The following RGS7 variants were observed in gnomAD, a reference collection of about 807,000 sequenced individuals.
The protein encoded by RGS7 is regulator of G-protein signaling 7.
A neutral mutation model predicts 81.1 loss-of-function variants in RGS7; 27 were observed. That is an observed-to-expected ratio of 0.33 (90% confidence interval 0.25 to 0.46). RGS7 has a LOEUF of 0.46. RGS7 is among the 20% of genes least tolerant of loss of function. The pLI is 1.00. For missense variants in RGS7, 396 were observed against 607.4 expected, an observed-to-expected ratio of 0.65 and a Z score of 3.66; for synonymous variants, 208 against 207.7, an observed-to-expected ratio of 1.00 and a Z score of -0.01.
At chr1:241,259,038 C>T (rs573170514) in intron 2 of RGS7, among the ~76,000 whole-genome samples, 3 of 152,090 alleles carry the variant, frequency 2.0e-5, no homozygotes, top group Non-Finnish European at 4.4e-5. Context: ...CAGTTCCTGC[C>T]CCTCCCTTTC....
At chr1:240,897,245 C>T (rs1464759750) in intron 6 of RGS7, among the ~76,000 whole-genome samples, 1 of 152,176 alleles carries the variant, frequency 6.6e-6, no homozygotes, top group African/African-American at 2.4e-5. Context: ...AATTTGACTT[C>T]CTCTTTTCCT....
chr1:240,788,569 A>C (rs1685448093), intron 18 of RGS7, among the ~76,000 whole-genome samples: 1 of 152,236 alleles, frequency 6.6e-6, no homozygotes, highest in Non-Finnish European at 1.5e-5. Flanking sequence ...TTTCTGAAAG[A>C]TGGAGTCCAG....
intron 3 of RGS7, among the ~76,000 whole-genome samples, chr1:241,031,774 C>A (rs188736319): frequency 1.1e-4 from 16 of 152,152 alleles, no homozygotes; most frequent in Non-Finnish European, 1.9e-4. Flanking sequence ...TTTATGTCTT[C>A]TTTTGAAAAA....
chr1:240,971,174 T>G (rs1490810694), intron 4 of RGS7, among the ~76,000 whole-genome samples: 1 of 152,076 alleles, frequency 6.6e-6, no homozygotes, highest in African/African-American at 2.4e-5. Flanking sequence ...TCTCCCCTTC[T>G]ACCATGTGAG....
intron 6 of RGS7, among the ~76,000 whole-genome samples, chr1:240,875,625 C>T (rs563326966): frequency 1.3e-5 from 2 of 152,150 alleles, no homozygotes; most frequent in Non-Finnish European, 2.9e-5. Flanking sequence ...TCCATAATGG[C>T]CGTACTAATT....
chr1:241,276,997 G>A (rs1210252252), intron 2 of RGS7, among the ~76,000 whole-genome samples: 1 of 152,210 alleles, frequency 6.6e-6, no homozygotes, highest in Non-Finnish European at 1.5e-5. Flanking sequence ...TCCATCGTCA[G>A]CTTTTAAAAT....
chr1:240,823,202 T>G (rs1692125038), intron 10 of RGS7: 2 of 890,740 alleles, frequency 2.2e-6, no homozygotes, highest in East Asian at 4.9e-5. Context: ...AGCGTGTCCA[T>G]GGACTTCTTC....
chr1:240,977,705 C>A (rs1350064521), intron 4 of RGS7, among the ~76,000 whole-genome samples: 1 of 152,168 alleles, frequency 6.6e-6, no homozygotes, highest in African/African-American at 2.4e-5. Flanking sequence ...ACTCATAAAA[C>A]CCTCAATGCC....
chr1:241,206,359 G>C (rs1229521177), intron 2 of RGS7, among the ~76,000 whole-genome samples: 1 of 151,488 alleles, frequency 6.6e-6, no homozygotes, highest in East Asian at 1.9e-4. Context: ...TGAGTAGCTG[G>C]GATTACAGGT....
At chr1:240,827,364 C>T (rs1164475208) in intron 9 of RGS7, among the ~76,000 whole-genome samples, 192 bp from the exon 10 acceptor site, 1 of 152,200 alleles carries the variant, frequency 6.6e-6, no homozygotes, top group Non-Finnish European at 1.5e-5. Flanking sequence ...TACTTCTTAA[C>T]TCTTCACACT....
chr1:240,993,622 G>A (rs1437776889), intron 3 of RGS7, among the ~76,000 whole-genome samples: 1 of 150,828 alleles, frequency 6.6e-6, no homozygotes, highest in African/African-American at 2.4e-5. Flanking sequence ...TTGGATATGT[G>A]GTTTACAGAT....
intron 2 of RGS7, among the ~76,000 whole-genome samples, chr1:241,328,944 G>C (rs976318821): frequency 1.3e-5 from 2 of 151,990 alleles, no homozygotes; most frequent in African/African-American, 4.8e-5. Flanking sequence ...GCACAAACTT[G>C]TATCTAGAAA....
intron 3 of RGS7, among the ~76,000 whole-genome samples, chr1:241,075,943 C>T (rs932083112): frequency 1.3e-5 from 2 of 152,164 alleles, no homozygotes; most frequent in African/African-American, 4.8e-5. Context: ...AGTACAACTC[C>T]TTTTGAACAT....
chr1:241,089,192 T>A (rs2063713431), intron 3 of RGS7, among the ~76,000 whole-genome samples: 1 of 147,994 alleles, frequency 6.8e-6, no homozygotes, highest in South Asian at 2.1e-4. Context: ...CAGGGATAAG[T>A]CTCCATGACC....
chr1:241,123,727 A>G (rs1330974050), intron 2 of RGS7, among the ~76,000 whole-genome samples: 4 of 152,126 alleles, frequency 2.6e-5, no homozygotes, highest in Non-Finnish European at 4.4e-5. Context: ...CTCCAGCCTG[A>G]GCAACGAGAG....
intron 2 of RGS7, among the ~76,000 whole-genome samples, chr1:241,141,225 A>C (rs1572865134): frequency 6.6e-6 from 1 of 152,130 alleles, no homozygotes; most frequent in South Asian, 2.1e-4. Context: ...AGGGGAAGAA[A>C]GGAATAAAGA....
chr1:241,036,509 A>G (rs2060333996), intron 3 of RGS7, among the ~76,000 whole-genome samples: 1 of 152,220 alleles, frequency 6.6e-6, no homozygotes, highest in Non-Finnish European at 1.5e-5. Flanking sequence ...CATCCAAAAT[A>G]TAGAGCAGCG....
At chr1:241,022,895 C>A in intron 3 of RGS7, among the ~76,000 whole-genome samples, 1 of 151,996 alleles carries the variant, frequency 6.6e-6, no homozygotes, top group East Asian at 1.9e-4. Context: ...TTGCTGGTGG[C>A]CTCACTAAAC....
rs552243227 is a variant in RGS7 at position 240,889,253 on chromosome 1, G to C, written c.386-19134C>G. ...ATTACAGACGTGAGCCACTGCACCT[G>C]GCGAGAGGTAACTTTTGAATTGAAA... On this transcript the variant is annotated intron_variant, in intron 6 of 18. Coordinates refer to ENST00000440928, the MANE Select transcript of RGS7 (RefSeq NM_001364886.1). 3.3e-5 allele frequency among the ~76,000 whole-genome samples: 5 copies of C among 152,288 alleles called. No homozygotes were observed. The East Asian group carries it at 9.7e-4, about 29-fold the overall frequency.
Sources: allele counts gnomAD v4.1 joint callset (sites outside exome capture counted in the v4.1 genomes callset), GRCh38; gene constraint gnomAD v4.1.1; transcripts MANE v1.5; gene names NCBI Gene and HGNC (gene_info 2026-07-23, HGNC 2026-07-21).